The following NBEA variants were observed in gnomAD, a reference collection of about 807,000 sequenced individuals.
The protein encoded by NBEA is lysosomal-trafficking regulator 2.
A neutral mutation model predicts 343.4 loss-of-function variants in NBEA; 44 were observed. That is an observed-to-expected ratio of 0.13 (90% CI 0.10 to 0.16). The LOEUF (loss-of-function observed/expected upper bound fraction) is 0.16, where lower values mean the gene tolerates loss of function less well. Ranked by LOEUF, NBEA falls within the 10% of genes least tolerant of loss-of-function variation. The pLI is 1.00. For synonymous variants in NBEA, 1,175 were observed against 1,238.7 expected, an observed-to-expected ratio of 0.95 and a Z score of 1.08; for missense variants, 2,555 against 3,631.3, an observed-to-expected ratio of 0.70 and a Z score of 7.62.
At chr13:35,562,152 G>A (rs551907711) in intron 44 of NBEA, among the ~76,000 whole-genome samples, 1 of 152,058 alleles carries the variant, frequency 6.6e-6, no homozygotes, top group East Asian at 1.9e-4. Context: ...AAAACTACAT[G>A]AGAGTCCAAC....
At chr13:35,163,301 T>C (rs1259454599) in intron 23 of NBEA, among the ~76,000 whole-genome samples, 1 of 152,152 alleles carries the variant, frequency 6.6e-6, no homozygotes, top group Admixed American at 6.6e-5. Flanking sequence ...GTGAGAATTA[T>C]TGACTCAATT....
chr13:35,436,480 G>A (rs1479083592), intron 39 of NBEA, among the ~76,000 whole-genome samples: 1 of 152,300 alleles, frequency 6.6e-6, no homozygotes, highest in East Asian at 1.9e-4. Context: ...GGAGGCTGAG[G>A]CGGGTGGATC....
At chr13:34,992,202 GTGTGTGTGTGTGTGTGTATA>G (rs1443460719) in intron 1 of NBEA, among the ~76,000 whole-genome samples, 8 of 135,642 alleles carry the variant, frequency 5.9e-5, no homozygotes, top group Admixed American at 8.2e-5. Context: ...ATATATATGT[GTGTGTGTGTGTGTGTGTATA>G]TGTGTGTGTG....
intron 38 of NBEA, among the ~76,000 whole-genome samples, chr13:35,403,740 C>A (rs1434103406): frequency 1.3e-5 from 2 of 151,176 alleles, no homozygotes; most frequent in Admixed American, 6.6e-5. Flanking sequence ...GCAACAAAAG[C>A]CAAAATTGAC....
At chr13:35,067,873 C>T (rs1489934045) in intron 8 of NBEA, among the ~76,000 whole-genome samples, 1 of 151,948 alleles carries the variant, frequency 6.6e-6, no homozygotes, top group African/African-American at 2.4e-5. Context: ...AGAGCTGGAA[C>T]TACAGGCGTG....
intron 58 of NBEA, among the ~76,000 whole-genome samples, chr13:35,669,580 A>C (rs1189850338): frequency 6.6e-6 from 1 of 152,230 alleles, no homozygotes; most frequent in Non-Finnish European, 1.5e-5. Flanking sequence ...AAAGTGCTGC[A>C]GCCCATACTT....
At chr13:35,328,564 G>A (rs138508465) in intron 36 of NBEA, among the ~76,000 whole-genome samples, 127 of 152,050 alleles carry the variant, frequency 8.4e-4, no homozygotes, top group African/African-American at 3.0e-3. Flanking sequence ...TTTGCATGAT[G>A]TGATTATCAT....
In NBEA at chr13:35,155,809, C is replaced by T. The variant is rs2069134109; in HGVS notation, c.2481C>T (p.His827=). 1.9e-6 allele frequency: 3 copies of T among 1,612,556 alleles called. No individual in the cohort carries two copies. The East Asian group carries it at 6.7e-5, about 36-fold the overall frequency. The change falls in exon 19 of 59, where the codon CAC becomes CAT. Residue 827 remains histidine (H), a synonymous_variant. Coordinates refer to ENST00000379939, the MANE Select transcript of NBEA (RefSeq NM_001385012.1). ...LTEQVCTQVV[H]KPHPEPDSTV... ...AACAAGTATGTACTCAGGTCGTACA[C>T]AAACCACATCCAGAGCCAGATTCTA...
chr13:35,063,930 C>T (rs1176408235), intron 8 of NBEA, among the ~76,000 whole-genome samples: 3 of 151,850 alleles, frequency 2.0e-5, no homozygotes, highest in Non-Finnish European at 4.4e-5. Flanking sequence ...AGTAAGTGAC[C>T]CCATGAATTT....
chr13:35,105,645 T>G (rs1454050514), intron 11 of NBEA, among the ~76,000 whole-genome samples: 10 of 151,972 alleles, frequency 6.6e-5, no homozygotes, highest in Non-Finnish European at 1.0e-4. Context: ...GCTATGAGAA[T>G]GCTAAACTTT....
At chr13:35,646,049 G>A in intron 50 of NBEA, 118 bp downstream of exon 50, 1 of 732,648 alleles carries the variant, frequency 1.4e-6, no homozygotes, top group East Asian at 2.7e-5. Flanking sequence ...TAGTGACTGG[G>A]TTAACTGAAG....
At position 35,047,109 on chromosome 13, in the gene NBEA, A is replaced by G. The variant is rs561243322; in HGVS notation, c.724-1454A>G. On this transcript the variant is annotated intron_variant, in intron 4 of 58. Transcript: ENST00000379939. ...ATATATTATTTGATAATAAAATGTT[A>G]TTTATATTGTATGATAATAAAACTG... 3.3e-5 allele frequency among the ~76,000 whole-genome samples: 5 copies of G among 152,176 alleles called. No homozygotes were observed. The South Asian group carries it at 1.0e-3, about 32-fold the overall frequency.
At chr13:35,179,476 C>T (rs1489432116) in intron 28 of NBEA, among the ~76,000 whole-genome samples, 1 of 150,726 alleles carries the variant, frequency 6.6e-6, no homozygotes, top group Non-Finnish European at 1.5e-5. Context: ...TACTGAGCTT[C>T]ATTTCCAAAG....
intron 34 of NBEA, among the ~76,000 whole-genome samples, chr13:35,237,501 C>T (rs1220554175): frequency 6.6e-6 from 1 of 152,046 alleles, no homozygotes; most frequent in Non-Finnish European, 1.5e-5. Flanking sequence ...TTTTCCTTTC[C>T]CTTGAGAAGA....
intron 57 of NBEA, 124 bp from the exon 58 acceptor site, chr13:35,668,244 G>A: frequency 3.8e-6 from 3 of 799,452 alleles, no homozygotes; most frequent in Non-Finnish European, 5.6e-6. Flanking sequence ...TAATGATAAG[G>A]GAACTGTACT....
At chr13:35,592,785 T>C (rs540942145) in intron 46 of NBEA, among the ~76,000 whole-genome samples, 3 of 152,052 alleles carry the variant, frequency 2.0e-5, no homozygotes, top group Non-Finnish European at 4.4e-5. Context: ...CTATTGAAGG[T>C]TTTTAAGCAG....
intron 34 of NBEA, among the ~76,000 whole-genome samples, chr13:35,236,857 A>G (rs905796826): frequency 2.0e-4 from 31 of 151,950 alleles, no homozygotes; most frequent in Admixed American, 2.0e-3. Context: ...GTGCTCCTAC[A>G]GTATTTTACT....
chr13:35,306,595 C>T, intron 35 of NBEA, among the ~76,000 whole-genome samples: 1 of 152,008 alleles, frequency 6.6e-6, no homozygotes, highest in East Asian at 1.9e-4. Flanking sequence ...CCAACCCCCA[C>T]CTCCATTATC....
chr13:35,272,107 A>C (rs2034208523), intron 34 of NBEA, among the ~76,000 whole-genome samples: 1 of 152,208 alleles, frequency 6.6e-6, no homozygotes, highest in Admixed American at 6.5e-5. Context: ...AGCCAGAGAG[A>C]AAGGTTGGGT....
Sources: allele counts gnomAD v4.1 joint callset (sites outside exome capture counted in the v4.1 genomes callset), GRCh38; gene constraint gnomAD v4.1.1; transcripts MANE v1.5; gene names NCBI Gene and HGNC (gene_info 2026-07-23, HGNC 2026-07-21).